RNF150: variants seen among roughly 807,000 people sequenced by gnomAD.
RNF150 encodes the protein ring finger protein 150.
Under a neutral mutation model 39.3 loss-of-function variants are expected in RNF150, and 24 were observed. The observed-to-expected ratio is 0.61, with a 90% CI of 0.44 to 0.86. The LOEUF (loss-of-function observed/expected upper bound fraction) is 0.86. RNF150 is among the 40% of genes least tolerant of loss of function. The pLI is 0.00. For missense variants in RNF150, 502 were observed against 587.8 expected (o/e 0.85, Z 1.51); for synonymous variants, 255 against 227.3 (o/e 1.12, Z -1.10).
intron 1 of RNF150, among the ~76,000 whole-genome samples, chr4:141,039,174 G>C (rs1377484691): frequency 6.6e-6 from 1 of 152,112 alleles, no homozygotes; most frequent in Non-Finnish European, 1.5e-5. Flanking sequence ...TATTATAAGA[G>C]GGCATAAGAA....
intron 1 of RNF150, among the ~76,000 whole-genome samples, chr4:141,122,020 C>A (rs1030325148): frequency 2.0e-5 from 3 of 152,082 alleles, no homozygotes; most frequent in Non-Finnish European, 2.9e-5. Flanking sequence ...CCCAGGTGAT[C>A]CCAATATGCA....
chr4:140,995,998 A>G (rs925225063), intron 1 of RNF150, among the ~76,000 whole-genome samples: 2 of 152,056 alleles, frequency 1.3e-5, no homozygotes, highest in Non-Finnish European at 2.9e-5. Context: ...ATACCTAGCA[A>G]TGGGATTGCT....
At chr4:141,018,162 G>C (rs1560691249) in intron 1 of RNF150, among the ~76,000 whole-genome samples, 1 of 152,194 alleles carries the variant, frequency 6.6e-6, no homozygotes, top group Admixed American at 6.5e-5. Flanking sequence ...AGGTGGAAGA[G>C]CAACAACTCA....
intron 1 of RNF150, among the ~76,000 whole-genome samples, chr4:140,974,249 T>C (rs1020733353): frequency 6.6e-6 from 1 of 152,192 alleles, no homozygotes; most frequent in African/African-American, 2.4e-5. Flanking sequence ...GAATGTTACA[T>C]AAACGGAATC....
intron 6 of RNF150, among the ~76,000 whole-genome samples, chr4:140,890,643 C>G (rs1391270931): frequency 1.3e-5 from 2 of 152,156 alleles, no homozygotes; most frequent in African/African-American, 2.4e-5. Flanking sequence ...CATCTTCAAG[C>G]CAGGAAGAGG....
intron 1 of RNF150, among the ~76,000 whole-genome samples, chr4:141,073,619 C>T (rs1033681692): frequency 2.0e-5 from 3 of 151,466 alleles, no homozygotes; most frequent in African/African-American, 7.3e-5. Context: ...TCCTGAATTG[C>T]TACACTGACC....
At chr4:140,946,985 A>C (rs1197073925) in intron 4 of RNF150, among the ~76,000 whole-genome samples, 2 of 152,182 alleles carry the variant, frequency 1.3e-5, no homozygotes, top group African/African-American at 2.4e-5. Context: ...AAAGTATTTA[A>C]ATTTATTTAA....
At chr4:141,083,303 G>A (rs566933198) in intron 1 of RNF150, among the ~76,000 whole-genome samples, 4 of 152,206 alleles carry the variant, frequency 2.6e-5, no homozygotes, top group African/African-American at 9.6e-5. Flanking sequence ...TCCCCTAACA[G>A]GAAAAACATC....
intron 1 of RNF150, among the ~76,000 whole-genome samples, chr4:141,052,476 C>T (rs907562284): frequency 7.2e-5 from 11 of 152,066 alleles, no homozygotes; most frequent in African/African-American, 2.7e-4. Flanking sequence ...CCTGGGTTCA[C>T]ACAATTCTCC....
In RNF150 at chr4:141,000,087, G is replaced by GAAGAAGA. The variant is rs1553935774; in HGVS notation, c.485-32215_485-32214insTCTTCTT. Among the ~76,000 whole-genome samples the GAAGAAGA allele has an allele frequency of 1.4e-4, 5 of 35,902 alleles. 1 individual carries two copies. The highest frequency in any genetic ancestry group is 5.3e-5 in the Non-Finnish European group (1 of 18,740). 23.6% of individuals were successfully genotyped at this position (35,902 alleles called of 152,430 possible). A position where few individuals can be genotyped will look rare whatever the true frequency, so the allele number is the denominator to read the frequency against. ...GAAGAAGAAGAAGAAGAAGAAGAAGGAGAAGAAGAAGAAGAAGAAGAGGAG... is the reference window on the plus strand; with the variant it reads ...GAAGAAGAAGAAGAAGAAGAAGAAGGAAGAAGAAGAAGAAGAAGAAGAAGAAGAGGAG... On this transcript the variant is annotated intron_variant, in intron 1 of 6. Coordinates refer to ENST00000515673, the MANE Select transcript of RNF150 (RefSeq NM_020724.2).
chr4:140,874,308 C>T (rs1729062654), intron 6 of RNF150, among the ~76,000 whole-genome samples: 1 of 152,166 alleles, frequency 6.6e-6, no homozygotes, highest in Non-Finnish European at 1.5e-5. Context: ...GAAGACAAGA[C>T]TCTGAAACCT....
At chr4:140,911,029 T>C in intron 6 of RNF150, 115 bp downstream of exon 6, 1 of 816,806 alleles carries the variant, frequency 1.2e-6, no homozygotes, top group Non-Finnish European at 2.0e-6. Flanking sequence ...CTGATGAACC[T>C]AGCAATGATG....
chr4:141,096,903 T>A (rs193267046), intron 1 of RNF150, among the ~76,000 whole-genome samples: 3 of 152,328 alleles, frequency 2.0e-5, no homozygotes, highest in Admixed American at 2.0e-4. Context: ...CTAAATGGGC[T>A]TCAAAATTCC....
At chr4:141,123,584 G>A (rs1726672216) in intron 1 of RNF150, among the ~76,000 whole-genome samples, 1 of 152,034 alleles carries the variant, frequency 6.6e-6, no homozygotes, top group Admixed American at 6.5e-5. Context: ...TAAGTTCTAG[G>A]GTACATGTGC....
intron 4 of RNF150, among the ~76,000 whole-genome samples, chr4:140,941,991 C>T (rs966590649): frequency 1.3e-5 from 2 of 152,172 alleles, no homozygotes; most frequent in African/African-American, 2.4e-5. Context: ...AAATTCCAGA[C>T]TAGGGGAATG....
intron 1 of RNF150, among the ~76,000 whole-genome samples, chr4:141,180,974 T>A (rs1338426772): frequency 6.6e-6 from 1 of 151,832 alleles, no homozygotes; most frequent in East Asian, 1.9e-4. Flanking sequence ...TTATGGTGAG[T>A]TTTTTTATAT....
chr4:141,018,546 C>T (rs976383964), intron 1 of RNF150, among the ~76,000 whole-genome samples: 1 of 152,152 alleles, frequency 6.6e-6, no homozygotes, highest in Non-Finnish European at 1.5e-5. Context: ...ATATCATAAA[C>T]AGTCACAGTA....
intron 1 of RNF150, among the ~76,000 whole-genome samples, chr4:140,980,894 C>T (rs1733838827): frequency 6.6e-6 from 1 of 152,106 alleles, no homozygotes; most frequent in Non-Finnish European, 1.5e-5. Context: ...ATTTGTTTGG[C>T]AGAAGTTATC....
intron 1 of RNF150, among the ~76,000 whole-genome samples, chr4:141,126,797 G>A (rs1019543228): frequency 1.3e-5 from 2 of 152,110 alleles, no homozygotes; most frequent in African/African-American, 2.4e-5. Flanking sequence ...ATACCTCTTA[G>A]AGATCAACTA....
Sources: allele counts gnomAD v4.1 joint callset (sites outside exome capture counted in the v4.1 genomes callset), GRCh38; gene constraint gnomAD v4.1.1; transcripts MANE v1.5; gene names NCBI Gene and HGNC (gene_info 2026-07-23, HGNC 2026-07-21).